The following COL8A1 variants were observed in gnomAD, a reference collection of about 807,000 sequenced individuals.
COL8A1 encodes the protein collagen type VIII alpha 1 chain.
COL8A1 carries 21 observed loss-of-function variants against 42.7 expected under a neutral mutation model. The ratio of observed to expected loss-of-function variants is 0.49; its 90% CI spans 0.35 to 0.71. The LOEUF (loss-of-function observed/expected upper bound fraction) is 0.71. Among genes scored for constraint, COL8A1 ranks in the 30% least tolerant of loss-of-function variants. COL8A1 has a pLI of 0.01. For synonymous variants in COL8A1, 367 were observed against 369.1 expected (o/e 0.99, Z 0.06); for missense variants, 788 against 962.4 (o/e 0.82, Z 2.40).
chr3:99,756,059 T>A (rs1163583164), intron 2 of COL8A1, among the ~76,000 whole-genome samples: 1 of 151,968 alleles, frequency 6.6e-6, no homozygotes, highest in African/African-American at 2.4e-5. Flanking sequence ...TGACTCAGGA[T>A]ACATTTTCAT....
At chr3:99,669,161 A>G (rs960853504) in intron 1 of COL8A1, among the ~76,000 whole-genome samples, 19 of 146,628 alleles carry the variant, frequency 1.3e-4, no homozygotes, top group African/African-American at 3.3e-4. Flanking sequence ...GGAGAGAGAG[A>G]GAGAGAGAGA....
At chr3:99,770,706 C>T (rs1057301871) in intron 2 of COL8A1, among the ~76,000 whole-genome samples, 1 of 152,192 alleles carries the variant, frequency 6.6e-6, no homozygotes, top group Non-Finnish European at 1.5e-5. Context: ...ATGGTGTCAT[C>T]CATTCAATCA....
intron 1 of COL8A1, among the ~76,000 whole-genome samples, chr3:99,666,954 T>C (rs1938385195): frequency 6.6e-6 from 1 of 152,240 alleles, no homozygotes; most frequent in Admixed American, 6.5e-5. Context: ...TATTATTTAT[T>C]CTGCAGCATG....
intron 1 of COL8A1, among the ~76,000 whole-genome samples, chr3:99,670,866 T>G (rs1938521751): frequency 6.6e-6 from 1 of 151,968 alleles, no homozygotes; most frequent in Admixed American, 6.6e-5. Flanking sequence ...TTTAAGGTAC[T>G]CCCATTCACT....
intron 1 of COL8A1, among the ~76,000 whole-genome samples, chr3:99,661,640 A>C (rs1938209984): frequency 6.6e-6 from 1 of 152,208 alleles, no homozygotes; most frequent in Admixed American, 6.5e-5. Context: ...AAGAACTGAA[A>C]GCGAGGTCTC....
chr3:99,641,286 G>A (rs1937504839), intron 1 of COL8A1, among the ~76,000 whole-genome samples: 1 of 152,050 alleles, frequency 6.6e-6, no homozygotes, highest in Non-Finnish European at 1.5e-5. Context: ...TGAGGGGATG[G>A]GGAAGAGCAA....
At chr3:99,703,910 C>A (rs1444632963) in intron 1 of COL8A1, among the ~76,000 whole-genome samples, 1 of 152,194 alleles carries the variant, frequency 6.6e-6, no homozygotes, top group Non-Finnish European at 1.5e-5. Context: ...TTTTTACTCA[C>A]TTCTCATCTA....
chr3:99,733,596 C>A (rs1429782221), intron 1 of COL8A1, among the ~76,000 whole-genome samples: 2 of 151,984 alleles, frequency 1.3e-5, no homozygotes, highest in Non-Finnish European at 2.9e-5. Context: ...GTGAATAATG[C>A]CGCAATAAAC....
intron 2 of COL8A1, among the ~76,000 whole-genome samples, chr3:99,785,543 GA>G (rs1444078108): frequency 1.3e-5 from 2 of 152,222 alleles, no homozygotes; most frequent in Non-Finnish European, 2.9e-5. Context: ...CTGGAGGAAA[GA>G]AGGTGTTATG....
At position 99,765,519 on chromosome 3, in the gene COL8A1, GCCAAATT is replaced by G. The variant is rs553674879; in HGVS notation, c.-4+20501_-4+20507del. On this transcript the variant is annotated intron_variant, in intron 2 of 3. Transcript: ENST00000652472. ...TGCACCAGTCTAATCCTTTTTGGAG[GCCAAATT>G]CCTTCTTTTGTGATGTTAACATTTG... 5.5e-3 allele frequency among the ~76,000 whole-genome samples: 842 copies of G among 152,260 alleles called. 10 individuals are homozygous for G. The highest frequency in any genetic ancestry group is 0.02 in the African/African-American group (813 of 41,540).
At chr3:99,782,915 T>C (rs1941821446) in intron 2 of COL8A1, among the ~76,000 whole-genome samples, 1 of 141,018 alleles carries the variant, frequency 7.1e-6, no homozygotes, top group Non-Finnish European at 1.5e-5. Flanking sequence ...AAAGAAAAAA[T>C]ATATATTCTA....
chr3:99,726,685 T>A (rs1940338960), intron 1 of COL8A1, among the ~76,000 whole-genome samples: 1 of 152,084 alleles, frequency 6.6e-6, no homozygotes, highest in South Asian at 2.1e-4. Context: ...TCCCCATTGC[T>A]TGTTTTTCTC....
chr3:99,659,836 C>T (rs1322984267), intron 1 of COL8A1, among the ~76,000 whole-genome samples: 1 of 152,106 alleles, frequency 6.6e-6, no homozygotes, highest in African/African-American at 2.4e-5. Context: ...TACCTTCCTC[C>T]CGAGACTCTG....
chr3:99,699,408 T>A (rs1939469252), intron 1 of COL8A1, among the ~76,000 whole-genome samples: 1 of 152,228 alleles, frequency 6.6e-6, no homozygotes, highest in Admixed American at 6.5e-5. Context: ...AGGGACTAAA[T>A]CTGTCCACCT....
chr3:99,720,245 T>G (rs1165964283), intron 1 of COL8A1, among the ~76,000 whole-genome samples: 1 of 152,114 alleles, frequency 6.6e-6, no homozygotes, highest in Admixed American at 6.5e-5. Context: ...TCTGCTAAGG[T>G]TAGAGCAAAG....
chr3:99,779,526 T>C (rs1576473894), intron 2 of COL8A1, among the ~76,000 whole-genome samples: 1 of 152,164 alleles, frequency 6.6e-6, no homozygotes, highest in African/African-American at 2.4e-5. Flanking sequence ...CCAAAGCCCT[T>C]TGCAGTCAAT....
At chr3:99,715,734 GAAC>G (rs1939977017) in intron 1 of COL8A1, among the ~76,000 whole-genome samples, 1 of 151,906 alleles carries the variant, frequency 6.6e-6, no homozygotes, top group Non-Finnish European at 1.5e-5. Context: ...AAACATGAGA[GAAC>G]AAGCAAAGAC....
chr3:99,689,159 G>C (rs770949026), intron 1 of COL8A1, among the ~76,000 whole-genome samples: 2 of 152,182 alleles, frequency 1.3e-5, no homozygotes, highest in Non-Finnish European at 2.9e-5. Flanking sequence ...ATTTATCTCA[G>C]CATTTTTGGC....
intron 3 of COL8A1, among the ~76,000 whole-genome samples, chr3:99,793,732 T>G (rs1441429754): frequency 6.6e-6 from 1 of 152,162 alleles, no homozygotes; most frequent in Non-Finnish European, 1.5e-5. Context: ...ATTGTCAGCT[T>G]GATTTTTCTT....
Sources: gnomAD v4.1 joint callset for allele counts (sites outside exome capture counted in the v4.1 genomes callset) on GRCh38, gnomAD v4.1.1 for gene constraint, MANE v1.5 for transcripts, NCBI Gene and HGNC (gene_info 2026-07-23, HGNC 2026-07-21) for gene names.